The following EPM2A variants were observed in gnomAD, a reference collection of about 807,000 sequenced individuals.
EPM2A encodes EPM2A glucan phosphatase, laforin, also known as laforin.
EPM2A carries 21 observed loss-of-function variants against 26.5 expected under a neutral mutation model. The observed-to-expected ratio is 0.79, with a 90% CI of 0.56 to 1.14. EPM2A has a LOEUF of 1.14. EPM2A is among the 50% of genes most tolerant of loss of function. The pLI is 0.00. For synonymous variants in EPM2A, 217 were observed against 177.6 expected (o/e 1.22, Z -1.76); for missense variants, 458 against 440.8 (o/e 1.04, Z -0.35).
At chr6:145,443,997 T>C (rs932390249) in intron 4 of EPM2A, among the ~76,000 whole-genome samples, 1 of 152,232 alleles carries the variant, frequency 6.6e-6, no homozygotes, top group Non-Finnish European at 1.5e-5. Flanking sequence ...TATTTTCTTT[T>C]GTAAATTGCC....
chr6:145,482,018 A>G (rs528465807), intron 4 of EPM2A, among the ~76,000 whole-genome samples: 11 of 152,238 alleles, frequency 7.2e-5, no homozygotes, highest in African/African-American at 2.6e-4. Flanking sequence ...CACTACCTGT[A>G]AAAAAAGGCA....
intron 3 of EPM2A, among the ~76,000 whole-genome samples, chr6:145,632,765 T>C (rs1776360807): frequency 6.6e-6 from 1 of 152,210 alleles, no homozygotes; most frequent in African/African-American, 2.4e-5. Flanking sequence ...GATTAATCTA[T>C]GTGTTCATTG....
chr6:145,491,168 C>CA (rs1460090801), intron 4 of EPM2A: 4 of 508,352 alleles, frequency 7.9e-6, no homozygotes, highest in Non-Finnish European at 1.5e-5. Flanking sequence ...TTCCTGACTT[C>CA]AAGGGCTTTC....
intron 2 of EPM2A, among the ~76,000 whole-genome samples, chr6:145,581,156 C>T (rs1447780925): frequency 6.6e-6 from 1 of 152,194 alleles, no homozygotes; most frequent in Non-Finnish European, 1.5e-5. Flanking sequence ...TGCAACCTCA[C>T]TAACTTCTGT....
chr6:145,538,082 T>C (rs1269878810), intron 2 of EPM2A, among the ~76,000 whole-genome samples: 3 of 152,146 alleles, frequency 2.0e-5, no homozygotes, highest in African/African-American at 4.8e-5. Flanking sequence ...TGTGTCTTTA[T>C]AGAAGAATGA....
At chr6:145,559,028 G>A (rs921509189) in intron 2 of EPM2A, among the ~76,000 whole-genome samples, 3 of 152,072 alleles carry the variant, frequency 2.0e-5, no homozygotes, top group East Asian at 1.9e-4. Flanking sequence ...ATATGTCTGT[G>A]AGCCAGGAGC....
At chr6:145,461,628 G>A (rs1779329904) in intron 4 of EPM2A, among the ~76,000 whole-genome samples, 2 of 152,090 alleles carry the variant, frequency 1.3e-5, no homozygotes, top group African/African-American at 4.8e-5. Flanking sequence ...GGCCTCTTGA[G>A]GCATCTGAAA....
At chr6:145,602,739 T>C (rs879553418) in intron 2 of EPM2A, among the ~76,000 whole-genome samples, 4 of 152,190 alleles carry the variant, frequency 2.6e-5, no homozygotes, top group East Asian at 1.9e-4. Context: ...CCAAAAATTC[T>C]TGGGGCCACT....
At chr6:145,528,976 C>G (rs1212714051) in intron 2 of EPM2A, among the ~76,000 whole-genome samples, 4 of 152,032 alleles carry the variant, frequency 2.6e-5, no homozygotes, top group African/African-American at 9.7e-5. Flanking sequence ...TTGATGGATT[C>G]AAATCGTCAG....
At chr6:145,635,047 T>C (rs1300980312) in intron 3 of EPM2A, 198 bp downstream of exon 3, 1 of 576,926 alleles carries the variant, frequency 1.7e-6, no homozygotes, top group Non-Finnish European at 3.0e-6. Context: ...ATGTGTTGAA[T>C]GAATAAACAA....
intron 2 of EPM2A, among the ~76,000 whole-genome samples, chr6:145,555,458 G>T (rs760042159): frequency 3.9e-5 from 6 of 152,000 alleles, no homozygotes; most frequent in Non-Finnish European, 7.4e-5. Flanking sequence ...GACCATCTTT[G>T]ACAAGAAAAT....
chr6:145,527,024 C>A (rs1780283973), intron 2 of EPM2A, among the ~76,000 whole-genome samples: 1 of 151,804 alleles, frequency 6.6e-6, no homozygotes, highest in African/African-American at 2.4e-5. Context: ...TTGATTTCTG[C>A]CTTAAATTCA....
At chr6:145,682,645 A>G (rs1396033062) in intron 2 of EPM2A, 1 of 152,180 alleles carries the variant, frequency 6.6e-6, no homozygotes, top group Non-Finnish European at 1.5e-5. Flanking sequence ...TTGATGGTCC[A>G]GCACTCAAGA....
intron 4 of EPM2A, among the ~76,000 whole-genome samples, chr6:145,393,212 G>C (rs1158355286): frequency 1.3e-5 from 2 of 151,978 alleles, no homozygotes; most frequent in African/African-American, 4.8e-5. Context: ...CAACAGAAAA[G>C]GAAAGATACT....
rs1775871924 is a variant in EPM2A at position 145,627,200 on chromosome 6, T to C, written c.*216A>G. On this transcript the variant is annotated 3_prime_UTR_variant, in exon 4 of 4. Transcript: ENST00000367519. ...TACAGCCTAACTGCTTCGTGCTTCT[T>C]CTCATGTGTTGAGCCACAGCTTTCT... The C allele has an allele frequency of 7.0e-7, 1 of 1,437,622 alleles. No homozygotes were observed. Among genetic ancestry groups the C allele is most frequent in the South Asian group, 1.5e-5 (1 of 68,202 alleles). The allele number at this position is 1,437,622 out of a possible 1,614,324, so 89.1% of individuals were successfully genotyped here.
At chr6:145,493,973 G>T (rs947941778) in intron 4 of EPM2A, among the ~76,000 whole-genome samples, 1 of 152,102 alleles carries the variant, frequency 6.6e-6, no homozygotes, top group East Asian at 1.9e-4. Flanking sequence ...GCCATGTTTT[G>T]GTATCAAGAT....
intron 4 of EPM2A, among the ~76,000 whole-genome samples, chr6:145,430,803 GATTA>G (rs1372131758): frequency 6.6e-6 from 1 of 152,136 alleles, no homozygotes; most frequent in Non-Finnish European, 1.5e-5. Flanking sequence ...ATTACTTTCA[GATTA>G]ATTGATACTG....
chr6:145,464,192 G>T (rs564966131), intron 4 of EPM2A, among the ~76,000 whole-genome samples: 2 of 152,108 alleles, frequency 1.3e-5, no homozygotes, highest in African/African-American at 4.8e-5. Flanking sequence ...GAGATCTGAT[G>T]GTTTTATAAG....
At chr6:145,432,498 G>GTT (rs1314919180) in intron 4 of EPM2A, among the ~76,000 whole-genome samples, 1 of 88,834 alleles carries the variant, frequency 1.1e-5, no homozygotes, top group Non-Finnish European at 2.7e-5. Flanking sequence ...AGTTTTTTGA[G>GTT]TCTTTTTTTT....
Sources: allele counts gnomAD v4.1 joint callset (sites outside exome capture counted in the v4.1 genomes callset), GRCh38; gene constraint gnomAD v4.1.1; transcripts MANE v1.5; gene names NCBI Gene and HGNC (gene_info 2026-07-23, HGNC 2026-07-21).